WDR19: variants seen among roughly 807,000 people sequenced by gnomAD.
WDR19 encodes the protein WD repeat-containing protein 19.
A neutral mutation model predicts 180.0 loss-of-function variants in WDR19; 121 were observed. That is an observed-to-expected ratio of 0.67 (90% confidence interval 0.58 to 0.78). The LOEUF is 0.78. Ranked by LOEUF, WDR19 falls within the 30% of genes least tolerant of loss-of-function variation. The pLI, the probability that WDR19 is intolerant of heterozygous loss-of-function variation, is 0.00. For synonymous variants in WDR19, 497 were observed against 540.7 expected (o/e 0.92, Z 1.12); for missense variants, 1,450 against 1,640.7 (o/e 0.88, Z 2.01).
At chr4:39,280,141 T>TTTTTTTTTTTTTGTTTTTTTA in intron 36 of WDR19, among the ~76,000 whole-genome samples, 1 of 88,354 alleles carries the variant, frequency 1.1e-5, no homozygotes, top group Non-Finnish European at 2.2e-5. Context: ...TTTTTTTTTT[T>TTTTTTTTTTTTTGTTTTTTTA]AATAGAGGCA....
In WDR19 at chr4:39,240,264, A is replaced by ATT; in HGVS notation, c.2364-5_2364-4dup. ...ATTAAAATTATTAAAATTCACTCTT[A>ATT]TTTTTTTTTCAGGGGTGATTATGTA... On this transcript the variant is annotated splice_polypyrimidine_tract_variant and intron_variant, in intron 20 of 36. Transcript: ENST00000399820. 1.2e-5 allele frequency: 15 copies of ATT among 1,246,672 alleles called. No individual in the cohort carries two copies. The highest frequency in any genetic ancestry group is 6.6e-5 in the South Asian group (3 of 45,448). 77.2% of individuals were successfully genotyped at this position (1,246,672 alleles called of 1,614,324 possible).
At chr4:39,224,710 T>C (rs2109349096) in intron 14 of WDR19, among the ~76,000 whole-genome samples, 174 bp from the exon 15 acceptor site, 1 of 152,316 alleles carries the variant, frequency 6.6e-6, no homozygotes, top group African/African-American at 2.4e-5. Context: ...CCATTTTATT[T>C]ATTTTCTTGA....
chr4:39,249,336 T>G (rs1161872721), intron 24 of WDR19, among the ~76,000 whole-genome samples: 1 of 151,762 alleles, frequency 6.6e-6, no homozygotes, highest in Non-Finnish European at 1.5e-5. Flanking sequence ...CTGGGACACA[T>G]TCAAAGCAGT....
chr4:39,280,179 C>G (rs1339531124), intron 36 of WDR19, among the ~76,000 whole-genome samples: 1 of 116,276 alleles, frequency 8.6e-6, no homozygotes, highest in East Asian at 2.6e-4. Flanking sequence ...GCAGATTGGT[C>G]TCGAACTCCT....
intron 14 of WDR19, among the ~76,000 whole-genome samples, chr4:39,221,839 GT>G (rs1188021220): frequency 6.6e-6 from 1 of 152,130 alleles, no homozygotes; most frequent in African/African-American, 2.4e-5. Flanking sequence ...TGTTGTGTGT[GT>G]CAGTAATTCA....
intron 4 of WDR19, 28 bp downstream of exon 4, chr4:39,189,809 C>T: frequency 6.3e-7 from 1 of 1,582,220 alleles, no homozygotes; most frequent in Non-Finnish European, 8.6e-7. Flanking sequence ...TTTTTTAAAG[C>T]TTCACTTAGA....
Position 39,202,681 on chromosome 4 carries a change from C to CAT in WDR19, c.523-958_523-957dup, listed in dbSNP as rs1028426662. Among the ~76,000 whole-genome samples, 9 of 128,378 alleles carry CAT rather than the reference C, an allele frequency of 7.0e-5. No homozygotes were observed. In the Admixed American group the frequency reaches 8.0e-4, roughly 11 times the overall value. 84.2% of individuals were successfully genotyped at this position (128,378 alleles called of 152,430 possible). A position where few individuals can be genotyped will look rare whatever the true frequency, so the allele number is the denominator to read the frequency against. ...ATACACCTCCTATAATACAAAAGTA[C>CAT]ATATGCACTTAAAAAAAAAACTGCC... On this transcript the variant is annotated intron_variant, in intron 6 of 36. Transcript: ENST00000399820.
At chr4:39,202,584 A>G (rs1056260677) in intron 6 of WDR19, among the ~76,000 whole-genome samples, 1 of 152,092 alleles carries the variant, frequency 6.6e-6, no homozygotes, top group Non-Finnish European at 1.5e-5. Flanking sequence ...AAAATTTGGA[A>G]ATAGCTAACA....
intron 20 of WDR19, among the ~76,000 whole-genome samples, chr4:39,236,729 G>C (rs928947841): frequency 1.3e-5 from 2 of 152,180 alleles, no homozygotes; most frequent in Admixed American, 1.3e-4. Context: ...GATATTGAGT[G>C]CTTGAGTAAT....
chr4:39,251,496 C>A (rs907599598), intron 24 of WDR19, among the ~76,000 whole-genome samples: 15 of 151,850 alleles, frequency 9.9e-5, no homozygotes, highest in African/African-American at 2.9e-4. Context: ...GCAACAAAAG[C>A]CAAAATTGAC....
intron 18 of WDR19, 36 bp downstream of exon 18, chr4:39,231,992 T>A: frequency 6.3e-7 from 1 of 1,594,330 alleles, no homozygotes; most frequent in South Asian, 1.1e-5. Flanking sequence ...AAGTTAAAAT[T>A]TAAATGCTAT....
intron 6 of WDR19, 55 bp from the exon 7 acceptor site, chr4:39,203,587 A>T: frequency 1.4e-6 from 2 of 1,413,856 alleles, no homozygotes; most frequent in Non-Finnish European, 2.0e-6. Context: ...ATTAATATTC[A>T]GAATGAATTT....
chr4:39,212,908 A>G (rs1728699329), intron 9 of WDR19, among the ~76,000 whole-genome samples: 1 of 152,232 alleles, frequency 6.6e-6, no homozygotes, highest in African/African-American at 2.4e-5. Context: ...CCCAACAGTA[A>G]AAAAAGCAAA....
At chr4:39,225,146 G>A in intron 15 of WDR19, 113 bp downstream of exon 15, 1 of 762,680 alleles carries the variant, frequency 1.3e-6, no homozygotes, top group Non-Finnish European at 1.9e-6. Context: ...AAGGATTGTA[G>A]TTCTTTGCTG....
At chr4:39,184,505 C>T (rs1404348069) in intron 1 of WDR19, among the ~76,000 whole-genome samples, 1 of 152,044 alleles carries the variant, frequency 6.6e-6, no homozygotes, top group African/African-American at 2.4e-5. Context: ...CTTGCTCTGT[C>T]ACCCAGGCTG....
intron 24 of WDR19, 40 bp from the exon 25 acceptor site, chr4:39,253,106 A>T: frequency 6.5e-7 from 1 of 1,531,742 alleles, no homozygotes; most frequent in Non-Finnish European, 8.8e-7. Context: ...CCCCAAATTG[A>T]CAGTGTTAAA....
intron 36 of WDR19, among the ~76,000 whole-genome samples, chr4:39,281,995 T>C (rs1736587696): frequency 6.6e-6 from 1 of 152,164 alleles, no homozygotes; most frequent in Admixed American, 6.5e-5. Context: ...TCTCTCATAT[T>C]TACAATCTCT....
At chr4:39,232,777 A>G (rs375751803) in intron 19 of WDR19, among the ~76,000 whole-genome samples, 29 of 152,186 alleles carry the variant, frequency 1.9e-4, no homozygotes, top group African/African-American at 5.8e-4. Flanking sequence ...ATTTCTCAGC[A>G]CAGACACTAT....
intron 29 of WDR19, 21 bp from the exon 30 acceptor site, chr4:39,267,973 TC>T: frequency 6.3e-7 from 1 of 1,577,470 alleles, no homozygotes; most frequent in Non-Finnish European, 8.6e-7. Context: ...AAGTAATGTT[TC>T]TATAATGGTT....
Sources: gnomAD v4.1 joint callset for allele counts (sites outside exome capture counted in the v4.1 genomes callset) on GRCh38, gnomAD v4.1.1 for gene constraint, MANE v1.5 for transcripts, NCBI Gene and HGNC (gene_info 2026-07-23, HGNC 2026-07-21) for gene names.